The following TBC1D1 variants were observed in gnomAD, a reference collection of about 807,000 sequenced individuals.
TBC1D1 encodes the protein TBC1 domain family member 1, also known as TBC1 (tre-2/USP6, BUB2, cdc16) domain family, member 1.
A neutral mutation model predicts 125.6 loss-of-function variants in TBC1D1; 89 were observed. That is an observed-to-expected ratio of 0.71 (90% CI 0.60 to 0.85). The LOEUF is 0.85. Among genes scored for constraint, TBC1D1 ranks in the 40% least tolerant of loss-of-function variants. The pLI, the probability that TBC1D1 is intolerant of heterozygous loss-of-function variation, is 0.00. For missense variants in TBC1D1, 1,377 were observed against 1,469.2 expected, an observed-to-expected ratio of 0.94 and a Z score of 1.03; for synonymous variants, 565 against 564.1, an observed-to-expected ratio of 1.00 and a Z score of -0.02.
chr4:37,983,886 A>G (rs946072556), intron 2 of TBC1D1, among the ~76,000 whole-genome samples: 1 of 152,196 alleles, frequency 6.6e-6, no homozygotes, highest in Non-Finnish European at 1.5e-5. Flanking sequence ...TTGCCCTACC[A>G]GTCCTCTGTG....
At chr4:38,119,992 C>A (rs1370091681) in intron 17 of TBC1D1, 3 of 985,206 alleles carry the variant, frequency 3.0e-6, no homozygotes, top group Non-Finnish European at 3.6e-6. Context: ...GGTAAAAAGA[C>A]GTTAACAAAC....
intron 12 of TBC1D1, among the ~76,000 whole-genome samples, chr4:38,058,877 G>A (rs770034912): frequency 6.6e-6 from 1 of 152,168 alleles, no homozygotes; most frequent in Non-Finnish European, 1.5e-5. Context: ...GGAGAGAAGG[G>A]TGTTAAGTGA....
chr4:38,091,346 G>C (rs757388009), intron 13 of TBC1D1, among the ~76,000 whole-genome samples: 2 of 152,186 alleles, frequency 1.3e-5, no homozygotes, highest in African/African-American at 2.4e-5. Context: ...GCACACTGGG[G>C]GGCGTTTAGA....
intron 2 of TBC1D1, among the ~76,000 whole-genome samples, chr4:38,001,343 C>G (rs971117851): frequency 6.6e-6 from 1 of 152,176 alleles, no homozygotes; most frequent in Non-Finnish European, 1.5e-5. Flanking sequence ...GGGCCTGCCA[C>G]CTAGCAACAC....
intron 8 of TBC1D1, among the ~76,000 whole-genome samples, chr4:38,041,437 G>A (rs1406575783): frequency 6.6e-6 from 1 of 152,176 alleles, no homozygotes; most frequent in Non-Finnish European, 1.5e-5. Flanking sequence ...CAGTCCCTGT[G>A]ACCCAGTGAG....
At chr4:37,942,943 C>T (rs530519664) in intron 2 of TBC1D1, among the ~76,000 whole-genome samples, 1 of 152,302 alleles carries the variant, frequency 6.6e-6, no homozygotes, top group East Asian at 1.9e-4. Context: ...ACGGTCTTTA[C>T]ATTTTGGCAT....
chr4:37,914,937 G>C lies in TBC1D1; in HGVS notation c.417+12425G>C, dbSNP rs1719397480. On this transcript the variant is annotated intron_variant, in intron 2 of 19. Transcript: ENST00000261439. ...ACACTAAGCAATATCACTTCATCCA[G>C]TTTTAATGCCTTCATATTACTCATC... Among the ~76,000 whole-genome samples the C allele has an allele frequency of 2.0e-5, 3 of 152,222 alleles. No homozygotes were observed. In the South Asian group the frequency reaches 6.2e-4, roughly 32 times the overall value.
At chr4:38,054,577 G>T (rs1751338458) in intron 12 of TBC1D1, among the ~76,000 whole-genome samples, 1 of 152,218 alleles carries the variant, frequency 6.6e-6, no homozygotes, top group South Asian at 2.1e-4. Context: ...GATGTTTAGA[G>T]TGGTCACAGT....
At chr4:37,924,682 A>G (rs1309845650) in intron 2 of TBC1D1, among the ~76,000 whole-genome samples, 3 of 152,160 alleles carry the variant, frequency 2.0e-5, no homozygotes, top group African/African-American at 4.8e-5. Context: ...GGGCTTGTCT[A>G]TGTTTTAGCA....
intron 7 of TBC1D1, among the ~76,000 whole-genome samples, chr4:38,034,058 A>G (rs1301638260): frequency 6.6e-6 from 1 of 152,218 alleles, no homozygotes; most frequent in Non-Finnish European, 1.5e-5. Flanking sequence ...GAATGTGTTT[A>G]GTTTTACAAG....
chr4:38,109,697 C>T (rs1761918322), intron 15 of TBC1D1, among the ~76,000 whole-genome samples: 1 of 152,182 alleles, frequency 6.6e-6, no homozygotes, highest in African/African-American at 2.4e-5. Context: ...AAGGACTCTC[C>T]CTTAATCTCC....
rs1332169970 is a variant in TBC1D1, at chr4:38,138,739, C to G, written c.*1404C>G. On this transcript the variant is annotated 3_prime_UTR_variant, in exon 20 of 20. Transcript: ENST00000261439. ...CATTTCTGATCTTTATCACTGTAACCACGTCTTCTATTCCATAGGAGTTTC... is the reference window on the plus strand; with the variant it reads ...CATTTCTGATCTTTATCACTGTAACGACGTCTTCTATTCCATAGGAGTTTC... 6.6e-6 allele frequency: 1 copy of G among 152,448 alleles called. No homozygotes were observed. The highest frequency in any genetic ancestry group is 1.5e-5 in the Non-Finnish European group (1 of 68,040). The allele number at this position is 152,448 out of a possible 1,614,324, so 9.4% of individuals were successfully genotyped here.
chr4:37,907,476 G>A (rs1717586830), intron 2 of TBC1D1, among the ~76,000 whole-genome samples: 2 of 152,078 alleles, frequency 1.3e-5, no homozygotes, highest in Admixed American at 1.3e-4. Context: ...CGCCTCTCGG[G>A]TTCAAGCGAT....
intron 2 of TBC1D1, among the ~76,000 whole-genome samples, chr4:37,993,397 TA>T (rs1243187856): frequency 6.6e-6 from 1 of 152,200 alleles, no homozygotes; most frequent in Non-Finnish European, 1.5e-5. Context: ...CTCTTGTAAC[TA>T]AATCAAGATG....
chr4:37,951,196 G>A (rs1383096935), intron 2 of TBC1D1, among the ~76,000 whole-genome samples: 1 of 152,138 alleles, frequency 6.6e-6, no homozygotes, highest in African/African-American at 2.4e-5. Context: ...AAGAATTCCT[G>A]TCTTTGGGCG....
intron 2 of TBC1D1, chr4:37,961,061 G>C: frequency 6.3e-7 from 1 of 1,595,222 alleles, no homozygotes; most frequent in Non-Finnish European, 8.6e-7. Context: ...TAGTGCTTTG[G>C]AGTTTGTGTG....
chr4:37,937,413 T>A (rs1724619032), intron 2 of TBC1D1, among the ~76,000 whole-genome samples: 1 of 152,194 alleles, frequency 6.6e-6, no homozygotes. Context: ...AAAAATTCAA[T>A]CAATTCAGAA....
In TBC1D1 at chr4:37,902,351, G is replaced by T. The variant is rs746844362; in HGVS notation, c.256G>T (p.Asp86Tyr). Residue 86 changes from aspartate (D) to tyrosine (Y), a missense_variant, in exon 2 of 20, where the codon GAT becomes TAT. Physicochemically the swap from Asp to Tyr is radical, Grantham distance 160. Around this residue, in one of 3 missense-constraint regions of TBC1D1, gnomAD observed 822 missense variants for 824.6 expected, o/e 1.00. Coordinates refer to ENST00000261439, the MANE Select transcript of TBC1D1 (RefSeq NM_015173.4). ...TGAGCCAGGGAGAAGTCAACAGTGGGATCCCCTGATCTATTCCAGCATCTT... is the reference window on the plus strand; with the variant it reads ...TGAGCCAGGGAGAAGTCAACAGTGGTATCCCCTGATCTATTCCAGCATCTT... The T allele has an allele frequency of 5.0e-6, 8 of 1,614,154 alleles. No homozygotes were observed. In the East Asian group the frequency reaches 1.8e-4, roughly 36 times the overall value.
intron 2 of TBC1D1, among the ~76,000 whole-genome samples, chr4:37,911,950 C>A (rs748230465): frequency 5.9e-5 from 9 of 152,168 alleles, no homozygotes; most frequent in Non-Finnish European, 8.8e-5. Context: ...GAGGGCAGAA[C>A]TAGGAACAGT....
Sources: gnomAD v4.1 joint callset for allele counts (sites outside exome capture counted in the v4.1 genomes callset) on GRCh38, gnomAD v4.1.1 for gene constraint, gnomAD v4.1.1 regional missense constraint, MANE v1.5 for transcripts, NCBI Gene and HGNC (gene_info 2026-07-23, HGNC 2026-07-21) for gene names.